The following ABCB1 variants were observed in gnomAD, a reference collection of about 807,000 sequenced individuals.
ABCB1 encodes ATP-dependent translocase ABCB1.
Under a neutral mutation model 142.0 loss-of-function variants are expected in ABCB1, and 69 were observed. The ratio of observed to expected loss-of-function variants is 0.49; its 90% CI spans 0.40 to 0.59. The LOEUF (loss-of-function observed/expected upper bound fraction) is 0.59. Ranked by LOEUF, ABCB1 falls within the 20% of genes least tolerant of loss-of-function variation. The pLI is 0.00. For synonymous variants in ABCB1, 532 were observed against 539.2 expected (o/e 0.99, Z 0.18); for missense variants, 1,326 against 1,554.7 (o/e 0.85, Z 2.47).
intron 1 of ABCB1, among the ~76,000 whole-genome samples, chr7:87,694,415 G>A (rs1828308005): frequency 6.6e-6 from 1 of 152,008 alleles, no homozygotes; most frequent in African/African-American, 2.4e-5. Context: ...TTGAGTTTCT[G>A]CTATATGCAA....
At chr7:87,628,940 G>T (rs939912553) in intron 1 of ABCB1, 4 of 1,310,032 alleles carry the variant, frequency 3.1e-6, no homozygotes, top group Admixed American at 3.1e-5. Flanking sequence ...TGATCACCGT[G>T]TGCAGGTACG....
chr7:87,707,477 C>A (rs1829706086), intron 1 of ABCB1, among the ~76,000 whole-genome samples: 1 of 152,078 alleles, frequency 6.6e-6, no homozygotes, highest in Admixed American at 6.5e-5. Flanking sequence ...ATTTCAAGAC[C>A]ATTCTGGGCA....
At chr7:87,615,128 C>T (rs1819993004) in intron 1 of ABCB1, among the ~76,000 whole-genome samples, 1 of 152,148 alleles carries the variant, frequency 6.6e-6, no homozygotes, top group South Asian at 2.1e-4. Flanking sequence ...TGAGCCCCTG[C>T]GCCCAGCCTT....
chr7:87,591,947 C>T (rs920819164), intron 3 of ABCB1, among the ~76,000 whole-genome samples: 9 of 152,006 alleles, frequency 5.9e-5, no homozygotes, highest in Admixed American at 2.0e-4. Context: ...ATCAGCAAAC[C>T]GTGACATAAC....
intron 7 of ABCB1, among the ~76,000 whole-genome samples, chr7:87,565,045 C>T (rs1226885469): frequency 6.6e-6 from 1 of 152,182 alleles, no homozygotes; most frequent in African/African-American, 2.4e-5. Flanking sequence ...GACCTGAGAA[C>T]TTCAGTTTCT....
chr7:87,547,722 T>A (rs1321420067), intron 14 of ABCB1, among the ~76,000 whole-genome samples: 1 of 151,536 alleles, frequency 6.6e-6, no homozygotes, highest in Non-Finnish European at 1.5e-5. Context: ...ATACAAAAAT[T>A]AGCCAGGTGT....
At chr7:87,701,910 G>A (rs1292720959) in intron 1 of ABCB1, among the ~76,000 whole-genome samples, 3 of 151,980 alleles carry the variant, frequency 2.0e-5, no homozygotes, top group Non-Finnish European at 2.9e-5. Context: ...TTGGGAGGCC[G>A]AGGCAGGCGG....
At chr7:87,614,891 G>A (rs970857312) in intron 1 of ABCB1, among the ~76,000 whole-genome samples, 8 of 151,980 alleles carry the variant, frequency 5.3e-5, no homozygotes, top group Admixed American at 1.3e-4. Context: ...TGCTGCCCAG[G>A]CTGGAGTGCG....
intron 23 of ABCB1, 66 bp from the exon 24 acceptor site, chr7:87,516,731 C>CATT: frequency 1.2e-6 from 1 of 804,612 alleles, no homozygotes; most frequent in Non-Finnish European, 1.7e-6. Flanking sequence ...GCTGACACTC[C>CATT]TTTTTTTTTT....
At chr7:87,510,686 G>C (rs1189543519) in intron 25 of ABCB1, among the ~76,000 whole-genome samples, 1 of 152,146 alleles carries the variant, frequency 6.6e-6, no homozygotes, top group Non-Finnish European at 1.5e-5. Flanking sequence ...CCTAGCAGTA[G>C]AGTACAATCT....
At chr7:87,589,805 G>GGAGAGAGAGAGAGAGAGAGAGA (rs370840500) in intron 3 of ABCB1, among the ~76,000 whole-genome samples, 50 of 105,370 alleles carry the variant, frequency 4.7e-4, no homozygotes, top group African/African-American at 2.8e-3. Context: ...GAGAGAGAGA[G>GGAGAGAGAGAGAGAGAGAGAGA]GAGAGAGAGA....
chr7:87,694,118 A>G (rs1031509911), intron 1 of ABCB1: 5 of 746,034 alleles, frequency 6.7e-6, no homozygotes, highest in Non-Finnish European at 8.2e-6. Context: ...TTTTTAATCC[A>G]GAGAGCACAA....
chr7:87,650,995 A>G, intron 1 of ABCB1: 1 of 961,224 alleles, frequency 1.0e-6, no homozygotes, highest in South Asian at 1.4e-5. Flanking sequence ...ATAAGCTTGA[A>G]ATTTTAGAAA....
intron 1 of ABCB1, among the ~76,000 whole-genome samples, chr7:87,667,451 C>T (rs1825376702): frequency 1.3e-5 from 2 of 151,604 alleles, no homozygotes; most frequent in African/African-American, 4.8e-5. Context: ...GATAGTTTAA[C>T]TTTCTCTTTT....
At chr7:87,556,168 A>C (rs1442109166) in intron 8 of ABCB1, among the ~76,000 whole-genome samples, 1 of 152,216 alleles carries the variant, frequency 6.6e-6, no homozygotes, top group African/African-American at 2.4e-5. Flanking sequence ...AAAGAGACTA[A>C]AGTTATATAA....
intron 1 of ABCB1, among the ~76,000 whole-genome samples, chr7:87,706,385 G>C (rs1829587476): frequency 1.3e-5 from 2 of 152,140 alleles, no homozygotes; most frequent in African/African-American, 4.8e-5. Flanking sequence ...AGTAGAAGCA[G>C]AGAATTTATT....
rs115220693 is a variant in ABCB1 at position 87,552,492 on chromosome 7, C to T, written c.999+1269G>A. ...AGCTGCCATTTGAATCAAGTTGGTC[C>T]GATATCAAACCCCACACTCCCTATT... is the stretch of plus-strand genomic sequence containing the variant. On this transcript the variant is annotated intron_variant, in intron 9 of 27. Transcript: ENST00000622132. 6.5e-3 allele frequency among the ~76,000 whole-genome samples: 982 copies of T among 152,044 alleles called. 10 individuals are homozygous for T. Among genetic ancestry groups the T allele is most frequent in the African/African-American group, 0.022 (926 of 41,462 alleles).
chr7:87,537,032 G>C (rs1563040517), intron 19 of ABCB1: 1 of 182,978 alleles, frequency 5.5e-6, no homozygotes, highest in African/African-American at 2.4e-5. Flanking sequence ...TGAGGCAAAG[G>C]CATACCTAAT....
Position 87,600,824 on chromosome 7 carries a change from A to G in ABCB1, c.-76T>C, listed in dbSNP as rs1436206960. ...AAGATACTCCGACTTTAGTGGAAAG[A>G]CCTAAAGGAAACGAACAGCGGCCTC... is the stretch of plus-strand genomic sequence containing the variant. On this transcript the variant is annotated 5_prime_UTR_variant, in exon 1 of 28. Transcript: ENST00000622132. The G allele has an allele frequency of 6.6e-6, 1 of 152,570 alleles. No individual in the cohort carries two copies. Among genetic ancestry groups the G allele is most frequent in the Non-Finnish European group, 1.5e-5 (1 of 68,394 alleles). The allele number at this position is 152,570 out of a possible 1,614,324, so 9.5% of individuals were successfully genotyped here. A position where few individuals can be genotyped will look rare whatever the true frequency, so the allele number is the denominator to read the frequency against.
Sources: allele counts gnomAD v4.1 joint callset (sites outside exome capture counted in the v4.1 genomes callset), GRCh38; gene constraint gnomAD v4.1.1; transcripts MANE v1.5; gene names NCBI Gene and HGNC (gene_info 2026-07-23, HGNC 2026-07-21).